Variants in UNC13C observed in about 807,000 individuals in gnomAD.
UNC13C encodes the protein unc-13 homolog C.
Under a neutral mutation model 245.4 loss-of-function variants are expected in UNC13C, and 174 were observed. The ratio of observed to expected loss-of-function variants is 0.71; its 90% CI spans 0.63 to 0.80. The LOEUF (loss-of-function observed/expected upper bound fraction) is 0.80, where lower values mean the gene tolerates loss of function less well. Ranked by LOEUF, UNC13C falls within the 30% of genes least tolerant of loss-of-function variation. The pLI, the probability that UNC13C is intolerant of heterozygous loss-of-function variation, is 0.00. For synonymous variants in UNC13C, 992 were observed against 895.1 expected (o/e 1.11, Z -1.93); for missense variants, 2,829 against 2,602.9 (o/e 1.09, Z -1.89).
At chr15:53,994,166 CG>C (rs1337831833) in intron 1 of UNC13C, among the ~76,000 whole-genome samples, 1 of 133,166 alleles carries the variant, frequency 7.5e-6, no homozygotes, top group East Asian at 2.5e-4. Context: ...AGACGTTACA[CG>C]TATAATTTGG....
the UNC13C span, among the ~76,000 whole-genome samples, chr15:53,890,216 A>T: frequency 3.4e-3 from 513 of 149,992 alleles, 2 homozygotes; most frequent in African/African-American, 0.012. Flanking sequence ...ATCTTGGCTC[A>T]CTGCAAGCTC....
chr15:54,256,906 G>A (rs1250340975), intron 8 of UNC13C, among the ~76,000 whole-genome samples: 1 of 152,188 alleles, frequency 6.6e-6, no homozygotes, highest in Non-Finnish European at 1.5e-5. Context: ...AAGCGGCCTT[G>A]TTTGTCTTAC....
chr15:54,332,155 C>A, intron 15 of UNC13C, 44 bp downstream of exon 15: 2 of 1,355,592 alleles, frequency 1.5e-6, no homozygotes, highest in South Asian at 2.9e-5. Flanking sequence ...GTTGTTTGGT[C>A]TAGAGAATTT....
chr15:53,893,842 C>T, the UNC13C span, among the ~76,000 whole-genome samples: 1 of 152,190 alleles, frequency 6.6e-6, no homozygotes, highest in Non-Finnish European at 1.5e-5. Flanking sequence ...GCTTCAGCAC[C>T]CCTTTCAAGG....
the UNC13C span, among the ~76,000 whole-genome samples, chr15:53,937,149 G>C: frequency 2.0e-5 from 3 of 152,118 alleles, no homozygotes; most frequent in Non-Finnish European, 2.9e-5. Context: ...AAACAATTTC[G>C]ATGTTGATAA....
chr15:54,326,688 A>G (rs1393604841), intron 14 of UNC13C, among the ~76,000 whole-genome samples: 1 of 152,022 alleles, frequency 6.6e-6, no homozygotes, highest in African/African-American at 2.4e-5. Flanking sequence ...GAAAACAGGC[A>G]GAGACAGAGG....
intron 2 of UNC13C, among the ~76,000 whole-genome samples, chr15:54,079,471 A>T (rs774087068): frequency 1.3e-5 from 2 of 151,930 alleles, no homozygotes; most frequent in East Asian, 3.9e-4. Flanking sequence ...ACTTGTTTGT[A>T]TCACTTATGA....
intron 4 of UNC13C, among the ~76,000 whole-genome samples, chr15:54,211,272 T>C (rs2034870364): frequency 6.6e-6 from 1 of 152,104 alleles, no homozygotes. Flanking sequence ...CTATAAATGT[T>C]ATGTAGAATG....
the UNC13C span, among the ~76,000 whole-genome samples, chr15:53,855,585 T>G: frequency 6.6e-6 from 1 of 152,210 alleles, no homozygotes; most frequent in East Asian, 1.9e-4. Context: ...TCTGTTTATG[T>G]GATGAATTAC....
Position 54,037,996 on chromosome 15 carries a change from A to G in UNC13C, c.2983+22110A>G, listed in dbSNP as rs145334948. On this transcript the variant is annotated intron_variant, in intron 2 of 32. Coordinates refer to ENST00000260323, the MANE Select transcript of UNC13C (RefSeq NM_001080534.3). ...CAAGTACATTCTGTTTACATATATC[A>G]TTTTAAAATTAATATTTAATTTATT... Among the ~76,000 whole-genome samples, 987 of 148,688 alleles carry G rather than the reference A, an allele frequency of 6.6e-3. 10 individuals carry two copies. Among genetic ancestry groups the G allele is most frequent in the African/African-American group, 0.023 (929 of 40,560 alleles).
intron 30 of UNC13C, among the ~76,000 whole-genome samples, chr15:54,598,746 A>C (rs1899236371): frequency 6.6e-6 from 1 of 151,888 alleles, no homozygotes; most frequent in African/African-American, 2.4e-5. Flanking sequence ...TCCATGTCAG[A>C]AAATACTTGA....
At chr15:54,592,193 G>C (rs1566928042) in intron 30 of UNC13C, among the ~76,000 whole-genome samples, 2 of 152,116 alleles carry the variant, frequency 1.3e-5, no homozygotes, top group Admixed American at 6.5e-5. Flanking sequence ...TAAATGTATT[G>C]AGGCTCATTT....
At chr15:54,533,175 C>A in intron 26 of UNC13C, 109 bp downstream of exon 26, 1 of 772,902 alleles carries the variant, frequency 1.3e-6, no homozygotes, top group Non-Finnish European at 2.0e-6. Context: ...AAAAGTCTTT[C>A]TATAGAAATA....
At chr15:54,011,537 G>T (rs2140988589) in intron 1 of UNC13C, among the ~76,000 whole-genome samples, 1 of 152,272 alleles carries the variant, frequency 6.6e-6, no homozygotes, top group Non-Finnish European at 1.5e-5. Flanking sequence ...TTCACAGGGA[G>T]ATGTCACATA....
intron 19 of UNC13C, among the ~76,000 whole-genome samples, chr15:54,486,745 T>G (rs969274887): frequency 2.0e-5 from 3 of 152,210 alleles, no homozygotes; most frequent in Non-Finnish European, 4.4e-5. Context: ...TTTTTAAAAA[T>G]ACCCTTTCTC....
intron 22 of UNC13C, among the ~76,000 whole-genome samples, chr15:54,501,512 T>C (rs1033649777): frequency 2.0e-5 from 3 of 152,148 alleles, no homozygotes; most frequent in African/African-American, 4.8e-5. Context: ...CCTCTTAAAA[T>C]CTAAAATGGC....
intron 30 of UNC13C, among the ~76,000 whole-genome samples, chr15:54,604,108 T>C (rs944300633): frequency 1.3e-5 from 2 of 152,310 alleles, no homozygotes; most frequent in Middle Eastern, 3.4e-3. Context: ...GCTGAACTCA[T>C]GCCCATTTCT....
intron 8 of UNC13C, among the ~76,000 whole-genome samples, chr15:54,260,044 C>A (rs531821237): frequency 1.3e-5 from 2 of 151,698 alleles, no homozygotes; most frequent in Non-Finnish European, 2.9e-5. Flanking sequence ...ATTTTATCTT[C>A]GGCTCCCCCA....
intron 2 of UNC13C, among the ~76,000 whole-genome samples, chr15:54,116,342 C>A (rs1454112474): frequency 1.3e-5 from 2 of 152,102 alleles, no homozygotes; most frequent in Non-Finnish European, 2.9e-5. Flanking sequence ...TATAGTCACA[C>A]TTCTGTTCTA....
Sources: allele counts gnomAD v4.1 joint callset (sites outside exome capture counted in the v4.1 genomes callset), GRCh38; gene constraint gnomAD v4.1.1; transcripts MANE v1.5; gene names NCBI Gene and HGNC (gene_info 2026-07-23, HGNC 2026-07-21).